Variants in MYH7 observed in about 807,000 individuals in gnomAD.
MYH7 encodes the protein myosin-7.
MYH7 carries 129 observed loss-of-function variants against 225.4 expected under a neutral mutation model. The observed-to-expected ratio is 0.57, with a 90% CI of 0.50 to 0.66. The LOEUF (loss-of-function observed/expected upper bound fraction) is 0.66. MYH7 is among the 30% of genes least tolerant of loss of function. The pLI is 0.00. For missense variants in MYH7, 1,649 were observed against 2,517.0 expected, an observed-to-expected ratio of 0.66 and a Z score of 7.38; for synonymous variants, 971 against 1,007.6, an observed-to-expected ratio of 0.96 and a Z score of 0.69.
chr14:23,419,533 C>T lies in MYH7; in HGVS notation c.3803G>A (p.Arg1268His), dbSNP rs397516194. ...EHRSKAEETQ[R>H]SVNDLTSQRA... ...CTGGCTGGTGAGGTCGTTGACAGAA[C>T]GCTGGGTCTCCTCCGCCTTGCTCCG... The change falls in exon 28 of 40, where the codon CGT (arginine) becomes CAT (histidine). Residue 1268 changes from arginine (R) to histidine (H), a missense_variant. Arg to His is a conservative substitution (Grantham distance 29). This residue lies in a region of MYH7 where 687 missense variants were observed against 913.8 expected (regional missense o/e 0.75). Coordinates refer to ENST00000355349, the MANE Select transcript of MYH7 (RefSeq NM_000257.4). 28 of 1,613,942 alleles carry T rather than the reference C, an allele frequency of 1.7e-5. No homozygotes were observed. The East Asian group carries it at 2.2e-4, about 13-fold the overall frequency.
At position 23,426,784 on chromosome 14, in the gene MYH7, C is replaced by T. The variant is rs1566533244; in HGVS notation, c.2037G>A (p.Lys679=). The T allele has an allele frequency of 6.2e-7, 1 of 1,614,116 alleles. No individual in the cohort carries two copies. Among genetic ancestry groups the T allele is most frequent in the Non-Finnish European group, 8.5e-7 (1 of 1,180,010 alleles). ...FVRCIIPNET[K]SPGVMDNPLV... ...CTGAGTTTGTGGCCTCACCTGGAGA[C>T]TTTGTCTCATTAGGGATGATACAAC... The change falls in exon 18 of 40, where the codon AAG becomes AAA. Residue 679 remains lysine, a synonymous_variant. Coordinates refer to ENST00000355349, the MANE Select transcript of MYH7 (RefSeq NM_000257.4).
At chr14:23,417,732 G>C in intron 30 of MYH7, 46 bp from the exon 31 acceptor site, 1 of 1,605,174 alleles carries the variant, frequency 6.2e-7, no homozygotes, top group Middle Eastern at 2.2e-4. Flanking sequence ...GGAGGGTGTG[G>C]ATGGGGACAA....
Position 23,420,006 on chromosome 14 carries a change from C to T in MYH7, c.3565G>A (p.Ala1189Thr). 1 of 1,593,050 alleles carries T rather than the reference C, an allele frequency of 6.3e-7. No homozygotes were observed. Among genetic ancestry groups the T allele is most frequent in the Non-Finnish European group, 8.6e-7 (1 of 1,166,338 alleles). ...EEATLQHEATAAALRKKHADS... is the reference protein window; with the variant it reads ...EEATLQHEATTAALRKKHADS... ...GCGTGCTTCTTGCGCAGGGCCGCGGCAGTGGCCTCGTGCTGCAGCGTGGCC... is the reference window on the plus strand; with the variant it reads ...GCGTGCTTCTTGCGCAGGGCCGCGGTAGTGGCCTCGTGCTGCAGCGTGGCC... Residue 1189 changes from alanine to threonine, a missense_variant, in exon 27 of 40, where the codon GCC becomes ACC. By Grantham distance (58) the Ala-to-Thr change is moderately conservative (BLOSUM62 0). Coordinates refer to ENST00000355349, the MANE Select transcript of MYH7 (RefSeq NM_000257.4).
intron 18 of MYH7, 132 bp downstream of exon 18, chr14:23,426,645 C>T (rs1307432423): frequency 3.6e-6 from 3 of 825,760 alleles, no homozygotes; most frequent in Non-Finnish European, 6.2e-6. Flanking sequence ...CCTGGGAGGC[C>T]TCATGCGGGA....
rs1332617204 is a variant in MYH7 at position 23,415,917 on chromosome 14, C to A, written c.4954-85G>T. On this transcript the variant is annotated intron_variant, in intron 34 of 39. Coordinates refer to ENST00000355349, the MANE Select transcript of MYH7 (RefSeq NM_000257.4). This position sits in a 1 kb window ranked among gnomAD's most constrained non-coding sequence, Gnocchi z 6.3. Reference sequence around the variant, plus strand: ...CACCTGTCAGAGGTCCCTGCAGTAACCTAGGGGCAGGAGGAATCTGGTGCC... The same window carrying A: ...CACCTGTCAGAGGTCCCTGCAGTAAACTAGGGGCAGGAGGAATCTGGTGCC... The A allele has an allele frequency of 1.2e-6, 2 of 1,613,154 alleles. No homozygotes were observed. The highest frequency in any genetic ancestry group is 1.7e-6 in the Non-Finnish European group (2 of 1,179,498).
In MYH7 at chr14:23,412,931, G is replaced by A. The variant is rs903851110; in HGVS notation, c.5791-60C>T. ...GAGAGATGGTATTGGGCAGGGACAGGGCATGGGAACAAAGGTGAGAGGGGT... is the reference window on the plus strand; with the variant it reads ...GAGAGATGGTATTGGGCAGGGACAGAGCATGGGAACAAAGGTGAGAGGGGT... On this transcript the variant is annotated intron_variant, in intron 39 of 39. Transcript: ENST00000355349. The A allele has an allele frequency of 7.6e-6, 12 of 1,577,268 alleles. No homozygotes were observed. In the South Asian group the frequency reaches 7.8e-5, roughly 10 times the overall value.
In MYH7 at chr14:23,419,381, T is replaced by C; in HGVS notation, c.3854-86A>G. 2.5e-6 allele frequency: 4 copies of C among 1,612,250 alleles called. No homozygotes were observed. The African/African-American group carries it at 4.0e-5, about 16-fold the overall frequency. On this transcript the variant is annotated intron_variant, in intron 28 of 39. Coordinates refer to ENST00000355349, the MANE Select transcript of MYH7 (RefSeq NM_000257.4). ...CAGGCCCCATTTTCTGGAGAGACTC[T>C]GTGTCTGTGTGTGCGTGTATTGGCT...
chr14:23,423,505 A>G, intron 24 of MYH7, 42 bp downstream of exon 24: 1 of 1,609,890 alleles, frequency 6.2e-7, no homozygotes, highest in Non-Finnish European at 8.5e-7. Context: ...GGGCACAGAT[A>G]GACATGGCAT....
Position 23,433,775 on chromosome 14 carries a change from G to A in MYH7, c.-8-35C>T, listed in dbSNP as rs774213588. On this transcript the variant is annotated intron_variant, in intron 2 of 39. Transcript: ENST00000355349. The surrounding 1 kb of genome is among the most constrained non-coding windows in gnomAD (Gnocchi z 4.1). Reference sequence around the variant, plus strand: ...GCAGAAGCTGGCTGCCCTCCCATCTGCCCATTCTTCCCTTCCCTCCCTGGG... The same window carrying A: ...GCAGAAGCTGGCTGCCCTCCCATCTACCCATTCTTCCCTTCCCTCCCTGGG... 1.2e-6 allele frequency: 2 copies of A among 1,601,514 alleles called. No homozygotes were observed. The highest frequency in any genetic ancestry group is 1.7e-6 in the Non-Finnish European group (2 of 1,171,912).
intron 12 of MYH7, 73 bp from the exon 13 acceptor site, chr14:23,429,420 A>G: frequency 1.4e-6 from 2 of 1,445,034 alleles, no homozygotes; most frequent in Non-Finnish European, 1.9e-6. Context: ...TCATGCCTGT[A>G]ATCCCAGCAC....
At chr14:23,418,681 G>T (rs1193759090) in intron 29 of MYH7, among the ~76,000 whole-genome samples, 1 of 152,212 alleles carries the variant, frequency 6.6e-6, no homozygotes, top group Non-Finnish European at 1.5e-5. Flanking sequence ...TGGGGAGAGG[G>T]AAACAGGCTC....
Position 23,426,805 on chromosome 14 carries a change from A to T in MYH7, c.2016T>A (p.Cys672Ter). ...GAGACTTTGTCTCATTAGGGATGATACAACGTACAAAGTGGGGATGGGTGG... is the reference window on the plus strand; with the variant it reads ...GAGACTTTGTCTCATTAGGGATGATTCAACGTACAAAGTGGGGATGGGTGG... Reference protein sequence around the residue: ...LRSTHPHFVRCIIPNETKSPG... With the variant: ...LRSTHPHFVR Residue 672 changes from cysteine to a stop codon, truncating the protein, a stop_gained, in exon 18 of 40, where the codon TGT (cysteine) becomes TGA (stop). Coordinates refer to ENST00000355349, the MANE Select transcript of MYH7 (RefSeq NM_000257.4). LOFTEE classifies it high-confidence loss of function. The T allele has an allele frequency of 6.2e-7, 1 of 1,614,196 alleles. No individual in the cohort carries two copies. The highest frequency in any genetic ancestry group is 2.2e-5 in the East Asian group (1 of 44,876).
chr14:23,413,584 AAGTT>A (rs1892058361), intron 39 of MYH7, among the ~76,000 whole-genome samples, 171 bp downstream of exon 39: 1 of 142,240 alleles, frequency 7.0e-6, no homozygotes, highest in African/African-American at 2.7e-5. Context: ...AAAAAAAAAA[AAGTT>A]AGAGCTGGAA....
Position 23,412,770 on chromosome 14 carries a change from T to G in MYH7, c.*84A>C. 1 of 1,526,010 alleles carries G rather than the reference T, an allele frequency of 6.6e-7. No individual in the cohort carries two copies. The highest frequency in any genetic ancestry group is 1.7e-5 in the Admixed American group (1 of 59,708). 94.5% of individuals were successfully genotyped at this position (1,526,010 alleles called of 1,614,324 possible). ...TTCAAGGAAAATTGCTTTATTCTGC[T>G]TCCTCCCAAGGAGCTGTTACACAGG... On this transcript the variant is annotated 3_prime_UTR_variant, in exon 40 of 40. Transcript: ENST00000355349.
intron 4 of MYH7, 105 bp from the exon 5 acceptor site, chr14:23,432,900 C>T (rs2138685068): frequency 1.3e-6 from 2 of 1,530,430 alleles, no homozygotes; most frequent in Non-Finnish European, 1.8e-6. Context: ...GAAAGGAAAA[C>T]CTCTGCATGC....
intron 11 of MYH7, 110 bp downstream of exon 11, chr14:23,430,450 C>G: frequency 1.2e-6 from 1 of 859,644 alleles, no homozygotes; most frequent in Non-Finnish European, 1.9e-6. Flanking sequence ...CTCAGGAGGT[C>G]CATACCACTT....
chr14:23,427,054 G>A (rs772867015), intron 17 of MYH7, among the ~76,000 whole-genome samples, 186 bp downstream of exon 17: 1 of 151,964 alleles, frequency 6.6e-6, no homozygotes, highest in Non-Finnish European at 1.5e-5. Context: ...AGAGAAGGGA[G>A]ATGGGAAGTA....
rs4048657 is a variant in MYH7, at chr14:23,413,566, CAAA to C, written c.5790+190_5790+192del. Among the ~76,000 whole-genome samples the C allele has an allele frequency of 0.19, 20,778 of 109,614 alleles. 2,176 individuals are homozygous for C. Among genetic ancestry groups the C allele is most frequent in the African/African-American group, 0.35 (11,904 of 34,298 alleles). The allele number at this position is 109,614 out of a possible 152,430, so 71.9% of individuals were successfully genotyped here. A position where few individuals can be genotyped will look rare whatever the true frequency, so the allele number is the denominator to read the frequency against. Reference sequence around the variant, plus strand: ...TGGGCGGCAGAGTGAGACACCGTCTCAAAAAAAAAAAAAAAAAAAGTTAGAGCT... The same window carrying C: ...TGGGCGGCAGAGTGAGACACCGTCTCAAAAAAAAAAAAAAAAGTTAGAGCT... On this transcript the variant is annotated intron_variant, in intron 39 of 39. Transcript: ENST00000355349.
chr14:23,429,407 G>A (rs878878493), intron 12 of MYH7, 60 bp from the exon 13 acceptor site: 1 of 1,500,570 alleles, frequency 6.7e-7, no homozygotes, highest in Admixed American at 1.7e-5. Context: ...CAGGTGTGGT[G>A]GTTCATGCCT....
Sources: allele counts gnomAD v4.1 joint callset (sites outside exome capture counted in the v4.1 genomes callset), GRCh38; gene constraint gnomAD v4.1.1; regional missense constraint gnomAD v4.1.1; non-coding constraint Gnocchi (gnomAD v3.1); transcripts MANE v1.5; gene names NCBI Gene and HGNC (gene_info 2026-07-23, HGNC 2026-07-21).